The following GK5 variants were observed in gnomAD, a reference collection of about 807,000 sequenced individuals.
GK5 encodes glycerol kinase 5.
In GK5, 39 loss-of-function variants were observed where a neutral mutation model predicts 77.3. The observed-to-expected ratio is 0.50, with a 90% CI of 0.39 to 0.66. The LOEUF is 0.66. GK5 is among the 30% of genes least tolerant of loss of function. The pLI is 0.00. For missense variants in GK5, 487 were observed against 633.8 expected (o/e 0.77, Z 2.49); for synonymous variants, 211 against 208.0 (o/e 1.01, Z -0.13).
At chr3:142,166,266 G>GA (rs1187607276) in intron 15 of GK5, among the ~76,000 whole-genome samples, 1 of 147,882 alleles carries the variant, frequency 6.8e-6, no homozygotes, top group South Asian at 2.1e-4. Flanking sequence ...AAAAACAGAA[G>GA]AAAAAAAAAG....
chr3:142,194,972 T>A (rs1291889409), intron 5 of GK5, among the ~76,000 whole-genome samples: 1 of 151,822 alleles, frequency 6.6e-6, no homozygotes, highest in Non-Finnish European at 1.5e-5. Context: ...GAGAAAAACA[T>A]TCAGTTTTCA....
intron 11 of GK5, among the ~76,000 whole-genome samples, chr3:142,178,502 T>A (rs919934131): frequency 2.6e-5 from 4 of 152,240 alleles, no homozygotes; most frequent in Non-Finnish European, 5.9e-5. Context: ...ACAGTGTGAA[T>A]ACATCCAAGT....
chr3:142,189,176 C>T (rs2063815152), intron 5 of GK5, among the ~76,000 whole-genome samples: 1 of 152,100 alleles, frequency 6.6e-6, no homozygotes, highest in South Asian at 2.1e-4. Flanking sequence ...ATATTCATAT[C>T]CCCAACACCT....
chr3:142,191,010 C>G (rs1365521565), intron 5 of GK5, among the ~76,000 whole-genome samples: 1 of 151,934 alleles, frequency 6.6e-6, no homozygotes, highest in Non-Finnish European at 1.5e-5. Context: ...CAAAAAGTAA[C>G]TATATTTCTA....
intron 1 of GK5, among the ~76,000 whole-genome samples, chr3:142,223,161 C>T (rs2064377226): frequency 6.6e-6 from 1 of 152,208 alleles, no homozygotes; most frequent in South Asian, 2.1e-4. Context: ...TGAGATTCCT[C>T]ACTTCATTCC....
chr3:142,215,573 A>C (rs749071856), intron 2 of GK5, 26 bp downstream of exon 2: 1 of 1,226,002 alleles, frequency 8.2e-7, no homozygotes, highest in South Asian at 1.4e-5. Flanking sequence ...CATAAAGATT[A>C]TTGTTATTTT....
chr3:142,157,585 T>C lies in GK5; in HGVS notation c.*8037A>G, dbSNP rs1417801820. On this transcript the variant is annotated 3_prime_UTR_variant, in exon 16 of 16. Coordinates refer to ENST00000392993, the MANE Select transcript of GK5 (RefSeq NM_001039547.3). Reference sequence around the variant, plus strand: ...ACAGATTATTCAGTTCCATTGTAATTTCCCAAATAATTTTAGATTATAATT... The same window carrying C: ...ACAGATTATTCAGTTCCATTGTAATCTCCCAAATAATTTTAGATTATAATT... The C allele has an allele frequency of 2.6e-5, 4 of 152,234 alleles. No homozygotes were observed. Among genetic ancestry groups the C allele is most frequent in the Non-Finnish European group, 5.9e-5 (4 of 68,040 alleles). The allele number at this position is 152,234 out of a possible 1,614,324, so 9.4% of individuals were successfully genotyped here.
At chr3:142,184,154 G>A (rs182538748) in intron 9 of GK5, among the ~76,000 whole-genome samples, 47 of 150,312 alleles carry the variant, frequency 3.1e-4, no homozygotes, top group Non-Finnish European at 5.3e-4. Flanking sequence ...CCAGCTACTC[G>A]GGAGGCTGAG....
At chr3:142,184,280 A>AG (rs2063737687) in intron 9 of GK5, among the ~76,000 whole-genome samples, 1 of 149,264 alleles carries the variant, frequency 6.7e-6, no homozygotes, top group Non-Finnish European at 1.5e-5. Flanking sequence ...AAAAAAAAAA[A>AG]AAAAAAGAAA....
intron 12 of GK5, among the ~76,000 whole-genome samples, chr3:142,175,075 A>G: frequency 6.6e-6 from 1 of 152,226 alleles, no homozygotes; most frequent in Middle Eastern, 3.2e-3. Flanking sequence ...AACTGCTGTC[A>G]GTTGCTGACT....
intron 3 of GK5, among the ~76,000 whole-genome samples, chr3:142,209,973 G>T (rs975951721): frequency 6.6e-6 from 1 of 151,054 alleles, no homozygotes; most frequent in Admixed American, 6.6e-5. Context: ...TAGAACAAAA[G>T]GAATTTAAAA....
chr3:142,215,562 C>A (rs1234103842), intron 2 of GK5, 37 bp downstream of exon 2: 3 of 1,094,298 alleles, frequency 2.7e-6, no homozygotes, highest in Non-Finnish European at 4.0e-6. Context: ...AAAAAAAAAA[C>A]CATAAAGATT....
chr3:142,181,027 C>A (rs1356877036), intron 11 of GK5, among the ~76,000 whole-genome samples: 2 of 152,204 alleles, frequency 1.3e-5, no homozygotes, highest in African/African-American at 2.4e-5. Context: ...TGAACTGACA[C>A]TGGAACCACA....
At chr3:142,218,066 G>A (rs556732989) in intron 1 of GK5, among the ~76,000 whole-genome samples, 1 of 152,086 alleles carries the variant, frequency 6.6e-6, no homozygotes, top group East Asian at 1.9e-4. Flanking sequence ...GTATGCTATT[G>A]GCATAAAAAC....
At chr3:142,176,278 T>C (rs1018024917) in intron 12 of GK5, among the ~76,000 whole-genome samples, 8 of 152,170 alleles carry the variant, frequency 5.3e-5, no homozygotes, top group African/African-American at 7.2e-5. Flanking sequence ...CCAGCTTCTA[T>C]ATTATAAACC....
In GK5 at chr3:142,165,594, C is replaced by T; in HGVS notation, c.*28G>A. ...ATCTGCACGTCACATAAACCAGCTA[C>T]CTATGGTTTTGATCATTTCATTTAG... On this transcript the variant is annotated 3_prime_UTR_variant, in exon 16 of 16. Transcript: ENST00000392993. 1 of 1,561,294 alleles carries T rather than the reference C, an allele frequency of 6.4e-7. No homozygotes were observed. The highest frequency in any genetic ancestry group is 1.2e-5 in the South Asian group (1 of 83,336).
At position 142,184,663 on chromosome 3, in the gene GK5, C is replaced by T. The variant is rs141363440; in HGVS notation, c.816+1266G>A. 1,516 of 160,738 alleles carry T rather than the reference C, an allele frequency of 9.4e-3. 26 individuals are homozygous for T. The highest frequency in any genetic ancestry group is 0.034 in the African/African-American group (1,410 of 41,654). 10.0% of individuals were successfully genotyped at this position (160,738 alleles called of 1,614,324 possible). A position where few individuals can be genotyped will look rare whatever the true frequency, so the allele number is the denominator to read the frequency against. The stretch of plus-strand genomic sequence containing the variant: ...CCAGCCTGGCCAACATCGTGAAACC[C>T]CATCTCTAGGAAAAATACAAAAATT... On this transcript the variant is annotated intron_variant, in intron 9 of 15. Transcript: ENST00000392993.
chr3:142,201,313 C>A (rs2064017945), intron 4 of GK5, among the ~76,000 whole-genome samples: 1 of 152,196 alleles, frequency 6.6e-6, no homozygotes, highest in Non-Finnish European at 1.5e-5. Flanking sequence ...GAATAAACTA[C>A]TGATACAGGC....
intron 3 of GK5, 125 bp from the exon 4 acceptor site, chr3:142,204,913 GC>G: frequency 3.3e-6 from 2 of 609,152 alleles, no homozygotes; most frequent in African/African-American, 1.9e-5. Context: ...AGTTACATGT[GC>G]CTTTCTGAAT....
Sources: gnomAD v4.1 joint callset for allele counts (sites outside exome capture counted in the v4.1 genomes callset) on GRCh38, gnomAD v4.1.1 for gene constraint, MANE v1.5 for transcripts, NCBI Gene and HGNC (gene_info 2026-07-23, HGNC 2026-07-21) for gene names.